The following MPP7 variants were observed in gnomAD, a reference collection of about 807,000 sequenced individuals.
MPP7 encodes MAGUK p55 scaffold protein 7.
A neutral mutation model predicts 76.5 loss-of-function variants in MPP7; 60 were observed. The observed-to-expected ratio is 0.78, with a 90% CI of 0.64 to 0.97. MPP7 has a LOEUF of 0.97. Ranked by LOEUF, MPP7 falls within the 50% of genes least tolerant of loss-of-function variation. The pLI, the probability that MPP7 is intolerant of heterozygous loss-of-function variation, is 0.00. For missense variants in MPP7, 641 were observed against 694.0 expected (o/e 0.92, Z 0.86); for synonymous variants, 237 against 244.5 (o/e 0.97, Z 0.29).
intron 11 of MPP7, among the ~76,000 whole-genome samples, chr10:28,102,704 G>T (rs913459463): frequency 1.3e-5 from 2 of 152,090 alleles, no homozygotes; most frequent in Non-Finnish European, 2.9e-5. Flanking sequence ...CCCATCCTTG[G>T]TTTGCCACTT....
intron 1 of MPP7, among the ~76,000 whole-genome samples, chr10:28,271,937 T>G (rs1840339234): frequency 6.6e-6 from 1 of 152,114 alleles, no homozygotes; most frequent in Admixed American, 6.5e-5. Context: ...ACCATGCCAC[T>G]GCACTCCAGC....
At chr10:28,118,680 T>C (rs955910997) in intron 11 of MPP7, 1 of 985,418 alleles carries the variant, frequency 1.0e-6, no homozygotes, top group Non-Finnish European at 1.2e-6. Flanking sequence ...CTAGACTTAA[T>C]GTAGCAAGGA....
intron 3 of MPP7, among the ~76,000 whole-genome samples, chr10:28,159,172 A>G (rs916513089): frequency 2.6e-5 from 4 of 152,190 alleles, no homozygotes; most frequent in Non-Finnish European, 5.9e-5. Flanking sequence ...TTGATGTAAC[A>G]TATTTTGATG....
At chr10:28,075,968 A>G (rs770220831) in intron 12 of MPP7, among the ~76,000 whole-genome samples, 2 of 152,208 alleles carry the variant, frequency 1.3e-5, no homozygotes, top group Non-Finnish European at 2.9e-5. Flanking sequence ...TAATGATGCT[A>G]TTATGCAGGT....
intron 12 of MPP7, among the ~76,000 whole-genome samples, chr10:28,085,285 T>G (rs1852950664): frequency 6.6e-6 from 1 of 152,170 alleles, no homozygotes; most frequent in Non-Finnish European, 1.5e-5. Flanking sequence ...AGTTTCTTCA[T>G]CTGTAAAACA....
intron 10 of MPP7, 148 bp from the exon 11 acceptor site, chr10:28,119,863 G>A (rs187636373): frequency 3.5e-5 from 22 of 636,092 alleles, no homozygotes; most frequent in Admixed American, 2.8e-4. Context: ...GAAACAAATC[G>A]CCCACTTTCA....
intron 2 of MPP7, among the ~76,000 whole-genome samples, chr10:28,329,603 C>A (rs1281602473): frequency 7.0e-6 from 1 of 143,248 alleles, no homozygotes; most frequent in Non-Finnish European, 1.5e-5. Context: ...TGCACTCCAG[C>A]CTGGGCAACA....
At chr10:28,224,197 T>A (rs985413835) in intron 2 of MPP7, among the ~76,000 whole-genome samples, 5 of 151,566 alleles carry the variant, frequency 3.3e-5, no homozygotes, top group Admixed American at 1.3e-4. Context: ...AAAGAAAAAA[T>A]AAATAAATAC....
intron 1 of MPP7, among the ~76,000 whole-genome samples, chr10:28,281,112 C>T (rs1840658777): frequency 6.6e-6 from 1 of 151,754 alleles, no homozygotes; most frequent in African/African-American, 2.4e-5. Context: ...CAGGGTCTCA[C>T]TCTGTCACCG....
chr10:28,124,292 A>G (rs561627847), intron 7 of MPP7, among the ~76,000 whole-genome samples, 176 bp from the exon 8 acceptor site: 1 of 152,290 alleles, frequency 6.6e-6, no homozygotes, highest in East Asian at 1.9e-4. Flanking sequence ...CAGTGACTCA[A>G]AAACCACAAC....
At chr10:28,113,481 A>G (rs1480008847) in intron 11 of MPP7, among the ~76,000 whole-genome samples, 1 of 152,152 alleles carries the variant, frequency 6.6e-6, no homozygotes, top group Non-Finnish European at 1.5e-5. Context: ...GAGAGTGGCT[A>G]TCTTGGTAGG....
intron 1 of MPP7, among the ~76,000 whole-genome samples, chr10:28,243,696 T>A (rs1839344825): frequency 6.6e-6 from 1 of 152,120 alleles, no homozygotes; most frequent in Non-Finnish European, 1.5e-5. Context: ...CAACTACAGA[T>A]CTCTGTAAGT....
chr10:28,244,789 T>C (rs1418759), intron 1 of MPP7, among the ~76,000 whole-genome samples: 42,149 of 151,708 alleles, frequency 0.28, 6,591 homozygotes, highest in East Asian at 0.54. Flanking sequence ...CAGGAAGGAG[T>C]ATTAACCACA....
chr10:28,137,017 C>G (rs73608039), intron 5 of MPP7, among the ~76,000 whole-genome samples: 3,285 of 151,962 alleles, frequency 0.022, 98 homozygotes, highest in African/African-American at 0.072. Flanking sequence ...TGTACCCAAG[C>G]ACAAAGAAAA....
At position 28,127,044 on chromosome 10, in the gene MPP7, G is replaced by A. The variant is rs138191970; in HGVS notation, c.448-1953C>T. 1.9e-3 allele frequency among the ~76,000 whole-genome samples: 288 copies of A among 152,272 alleles called. 3 individuals are homozygous for A. Among genetic ancestry groups the A allele is most frequent in the African/African-American group, 6.7e-3 (279 of 41,546 alleles). Reference sequence around the variant, plus strand: ...CTCCAAGTGAGAACCTCCCAGCTGAGCTCATCAACCCCCAAAATAATATTG... The same window carrying A: ...CTCCAAGTGAGAACCTCCCAGCTGAACTCATCAACCCCCAAAATAATATTG... On this transcript the variant is annotated intron_variant, in intron 6 of 16. Transcript: ENST00000683449.
chr10:28,164,312 T>G (rs1337127382), intron 3 of MPP7, among the ~76,000 whole-genome samples: 1 of 151,968 alleles, frequency 6.6e-6, no homozygotes, highest in Non-Finnish European at 1.5e-5. Context: ...CTCAGAGTTC[T>G]GGGAAAGCGC....
intron 3 of MPP7, among the ~76,000 whole-genome samples, chr10:28,198,612 T>G (rs988041841): frequency 1.3e-5 from 2 of 149,730 alleles, no homozygotes; most frequent in African/African-American, 4.9e-5. Flanking sequence ...GAAAGAAATA[T>G]AGTATTTAAG....
intron 11 of MPP7, among the ~76,000 whole-genome samples, chr10:28,109,861 A>AAAC (rs1314419734): frequency 6.9e-6 from 1 of 145,806 alleles, no homozygotes; most frequent in African/African-American, 2.5e-5. Flanking sequence ...AAAAAAAAAA[A>AAAC]AAAAAAAAAA....
intron 1 of MPP7, among the ~76,000 whole-genome samples, chr10:28,255,879 G>A (rs1256237189): frequency 6.6e-6 from 1 of 152,196 alleles, no homozygotes. Context: ...ATCCTAAAAA[G>A]TTTGTAGAGA....
Sources: allele counts gnomAD v4.1 joint callset (sites outside exome capture counted in the v4.1 genomes callset), GRCh38; gene constraint gnomAD v4.1.1; transcripts MANE v1.5; gene names NCBI Gene and HGNC (gene_info 2026-07-23, HGNC 2026-07-21).